OSBPL9: variants seen among roughly 807,000 people sequenced by gnomAD.
The protein encoded by OSBPL9 is oxysterol binding protein like 9, also known as oxysterol-binding protein-related protein 9.
Under a neutral mutation model 106.6 loss-of-function variants are expected in OSBPL9, and 40 were observed. The ratio of observed to expected loss-of-function variants is 0.38; its 90% confidence interval spans 0.29 to 0.49. The LOEUF (loss-of-function observed/expected upper bound fraction) is 0.49, where lower values mean the gene tolerates loss of function less well. Ranked by LOEUF, OSBPL9 falls within the 20% of genes least tolerant of loss-of-function variation. The pLI is 0.97. For synonymous variants in OSBPL9, 269 were observed against 295.4 expected, an observed-to-expected ratio of 0.91 and a Z score of 0.92; for missense variants, 609 against 887.2, an observed-to-expected ratio of 0.69 and a Z score of 3.98.
At position 51,774,453 on chromosome 1, in the gene OSBPL9, T is replaced by C. The variant is rs187602042; in HGVS notation, c.1170+1730T>C. 7.7e-4 allele frequency among the ~76,000 whole-genome samples: 118 copies of C among 152,358 alleles called. 1 individual carries two copies. The highest frequency in any genetic ancestry group is 3.9e-3 in the South Asian group (19 of 4,830). ...TTGGTTCCTTTTATGCATTCCAAAG[T>C]ATTGTTACAATAATGCCTTAAATTT... On this transcript the variant is annotated intron_variant, in intron 14 of 23. Coordinates refer to ENST00000428468, the MANE Select transcript of OSBPL9 (RefSeq NM_024586.6).
intron 1 of OSBPL9, among the ~76,000 whole-genome samples, chr1:51,635,147 T>C (rs1012048824): frequency 5.3e-5 from 8 of 152,180 alleles, no homozygotes; most frequent in African/African-American, 1.7e-4. Context: ...GAAAAGTTTC[T>C]CTGTCAGACT....
chr1:51,602,493 G>A (rs1181317670), intron 2 of OSBPL9, among the ~76,000 whole-genome samples: 1 of 140,854 alleles, frequency 7.1e-6, no homozygotes, highest in Non-Finnish European at 1.5e-5. Context: ...CACAATCACA[G>A]CCCTTTGGAA....
chr1:51,597,409 G>GTATATATATATA (rs374626875), intron 1 of OSBPL9, among the ~76,000 whole-genome samples: 10 of 135,676 alleles, frequency 7.4e-5, no homozygotes, highest in African/African-American at 2.4e-4. Context: ...ATATATGTGT[G>GTATATATATATA]TATATATATA....
chr1:51,784,562 CAG>C lies in OSBPL9; in HGVS notation c.1811_1812del (p.Arg604AsnfsTer10). On this transcript the variant is annotated frameshift_variant, in exon 20 of 24. Transcript: ENST00000428468. LOFTEE classifies it high-confidence loss of function. ...TKPFYGGKKHRITAEIFSPND... is the reference protein window; with the variant it reads ...TKPFYGGKKHXITAEIFSPND... ...AACCCTTCTATGGGGGCAAGAAGCA[CAG>C]AATTACTGCCGAGATTTTGTAGGTA... 1 of 1,614,054 alleles carries C rather than the reference CAG, an allele frequency of 6.2e-7. No individual in the cohort carries two copies. The highest frequency in any genetic ancestry group is 8.5e-7 in the Non-Finnish European group (1 of 1,179,954).
chr1:51,721,159 G>A (rs562779967), intron 4 of OSBPL9, among the ~76,000 whole-genome samples: 7 of 145,962 alleles, frequency 4.8e-5, no homozygotes, highest in South Asian at 2.1e-4. Context: ...TTTTTTTGTC[G>A]TCACTAGCTT....
intron 1 of OSBPL9, among the ~76,000 whole-genome samples, chr1:51,646,819 T>G (rs1430045435): frequency 1.3e-5 from 2 of 152,094 alleles, no homozygotes; most frequent in Non-Finnish European, 2.9e-5. Context: ...ACAGGTGTGA[T>G]CCATTGCACC....
Position 51,602,259 on chromosome 1 carries a change from C to T in OSBPL9, c.-353+4066C>T, listed in dbSNP as rs377548192. ...TCCTGACCTCGTGATCCGCCCGCCG[C>T]GGCCTCCCAAAGTGCTGGGATTACA... is the stretch of plus-strand genomic sequence containing the variant. On this transcript the variant is annotated intron_variant, in intron 2 of 25. Coordinates refer to the OSBPL9 transcript ENST00000371714. Among the ~76,000 whole-genome samples the T allele has an allele frequency of 3.8e-4, 57 of 151,766 alleles. 3 individuals carry two copies. In the South Asian group the frequency reaches 9.8e-3, roughly 26 times the overall value.
intron 1 of OSBPL9, among the ~76,000 whole-genome samples, chr1:51,593,595 C>T (rs1286653218): frequency 6.6e-6 from 1 of 152,130 alleles, no homozygotes; most frequent in East Asian, 1.9e-4. Context: ...ACTGACTTAT[C>T]CTTCGAAACA....
At chr1:51,652,604 A>G (rs1646584289) in intron 2 of OSBPL9, among the ~76,000 whole-genome samples, 1 of 152,236 alleles carries the variant, frequency 6.6e-6, no homozygotes, top group Non-Finnish European at 1.5e-5. Flanking sequence ...TTAATAAAAA[A>G]AAATTAAGAT....
chr1:51,638,238 A>G (rs1645575269), intron 1 of OSBPL9, among the ~76,000 whole-genome samples: 1 of 152,200 alleles, frequency 6.6e-6, no homozygotes, highest in South Asian at 2.1e-4. Flanking sequence ...GAAGGATGAG[A>G]TAGTTATCTA....
intron 11 of OSBPL9, among the ~76,000 whole-genome samples, chr1:51,765,283 G>GACTT (rs920235486): frequency 1.3e-5 from 2 of 152,160 alleles, no homozygotes; most frequent in African/African-American, 4.8e-5. Context: ...CTGAGCCCCT[G>GACTT]ACTTAGGTGG....
intron 4 of OSBPL9, among the ~76,000 whole-genome samples, chr1:51,723,678 C>G (rs1662568497): frequency 6.6e-6 from 1 of 152,130 alleles, no homozygotes; most frequent in South Asian, 2.1e-4. Context: ...TCCTGAGTAG[C>G]TGGGATCACA....
At chr1:51,547,740 C>G in the OSBPL9 span, among the ~76,000 whole-genome samples, 3 of 152,044 alleles carry the variant, frequency 2.0e-5, no homozygotes, top group Non-Finnish European at 4.4e-5. Context: ...GTCCCAGCTA[C>G]TTGGGAGGCT....
At chr1:51,550,618 T>G in the OSBPL9 span, among the ~76,000 whole-genome samples, 1 of 152,216 alleles carries the variant, frequency 6.6e-6, no homozygotes, top group Non-Finnish European at 1.5e-5. Context: ...GTTCAAGCAA[T>G]GCTCCTGCCT....
At chr1:51,569,698 C>T in the OSBPL9 span, 1 of 152,168 alleles carries the variant, frequency 6.6e-6, no homozygotes, top group African/African-American at 2.4e-5. Context: ...TTGCTGAATG[C>T]TTCAACCTGG....
chr1:51,746,962 T>G (rs913516480), intron 6 of OSBPL9, among the ~76,000 whole-genome samples: 1 of 152,176 alleles, frequency 6.6e-6, no homozygotes. Flanking sequence ...TACAGAGTTG[T>G]GGAGTTTTTT....
intron 15 of OSBPL9, among the ~76,000 whole-genome samples, chr1:51,777,620 A>G (rs1235278945): frequency 1.4e-5 from 2 of 146,674 alleles, no homozygotes; most frequent in African/African-American, 5.4e-5. Context: ...ATTGGCTGAC[A>G]TTGATAAATA....
chr1:51,521,816 G>C, the OSBPL9 span, among the ~76,000 whole-genome samples: 1 of 152,020 alleles, frequency 6.6e-6, no homozygotes, highest in Non-Finnish European at 1.5e-5. Context: ...GGAGTGCAAC[G>C]GTGCAATCTC....
At chr1:51,785,724 A>C in intron 20 of OSBPL9, 84 bp from the exon 21 acceptor site, 2 of 1,156,398 alleles carry the variant, frequency 1.7e-6, no homozygotes, top group Non-Finnish European at 1.3e-6. Flanking sequence ...TCTGTGCTCT[A>C]CTCTGTAGTT....
Sources: allele counts gnomAD v4.1 joint callset (sites outside exome capture counted in the v4.1 genomes callset), GRCh38; gene constraint gnomAD v4.1.1; transcripts MANE v1.5; gene names NCBI Gene and HGNC (gene_info 2026-07-23, HGNC 2026-07-21).